The following TAFA2 variants were observed in gnomAD, a reference collection of about 807,000 sequenced individuals.
TAFA2 encodes the protein TAFA chemokine like family member 2, also known as chemokine-like protein TAFA-2.
In TAFA2, 7 loss-of-function variants were observed where a neutral mutation model predicts 18.8. That is an observed-to-expected ratio of 0.37 (90% CI 0.21 to 0.70). The LOEUF is 0.70. Ranked by LOEUF, TAFA2 falls within the 30% of genes least tolerant of loss-of-function variation. The pLI is 0.53. For synonymous variants in TAFA2, 60 were observed against 54.2 expected (o/e 1.11, Z -0.47); for missense variants, 122 against 158.1 (o/e 0.77, Z 1.23).
intron 1 of TAFA2, among the ~76,000 whole-genome samples, chr12:61,939,414 A>G (rs1243176496): frequency 6.6e-6 from 1 of 152,180 alleles, no homozygotes; most frequent in Non-Finnish European, 1.5e-5. Flanking sequence ...TACAATGTGT[A>G]TCTTTGGTTT....
chr12:61,782,066 A>G (rs1870528165), intron 2 of TAFA2, among the ~76,000 whole-genome samples: 1 of 151,634 alleles, frequency 6.6e-6, no homozygotes, highest in Non-Finnish European at 1.5e-5. Flanking sequence ...TGCCTACTAA[A>G]GATGTATATA....
intron 1 of TAFA2, among the ~76,000 whole-genome samples, chr12:62,217,064 A>G (rs1412630794): frequency 6.6e-6 from 1 of 152,222 alleles, no homozygotes; most frequent in African/African-American, 2.4e-5. Flanking sequence ...CAAAAAGGGA[A>G]GCACCATGCC....
chr12:62,015,060 C>T (rs1280509403), intron 1 of TAFA2, among the ~76,000 whole-genome samples: 1 of 152,212 alleles, frequency 6.6e-6, no homozygotes, highest in Non-Finnish European at 1.5e-5. Context: ...TTCTTCTCCC[C>T]TATATGAGAA....
chr12:61,880,531 G>GA, intron 1 of TAFA2: 1 of 510,278 alleles, frequency 2.0e-6, no homozygotes, highest in African/African-American at 1.9e-5. Context: ...GCTGGCAAGA[G>GA]TCTAGGATGC....
At chr12:62,182,618 G>T (rs893526372) in intron 1 of TAFA2, among the ~76,000 whole-genome samples, 1 of 152,088 alleles carries the variant, frequency 6.6e-6, no homozygotes, top group Non-Finnish European at 1.5e-5. Flanking sequence ...AGTTTAAAAG[G>T]CACTGTTATG....
intron 1 of TAFA2, among the ~76,000 whole-genome samples, chr12:61,882,147 A>T (rs1274433178): frequency 6.6e-6 from 1 of 152,196 alleles, no homozygotes; most frequent in Admixed American, 6.5e-5. Context: ...GAGAATCCAG[A>T]GGCTAAAACA....
At chr12:61,789,659 C>T (rs1373269365) in intron 2 of TAFA2, among the ~76,000 whole-genome samples, 6 of 151,740 alleles carry the variant, frequency 4.0e-5, no homozygotes, top group Non-Finnish European at 5.9e-5. Flanking sequence ...CCTGCACATT[C>T]TGTGCATGTA....
chr12:62,104,877 A>AG (rs768224847), intron 1 of TAFA2: 90 of 309,366 alleles, frequency 2.9e-4, no homozygotes, highest in Non-Finnish European at 8.4e-5. Flanking sequence ...TGAGAGATTG[A>AG]GTTGCTATCT....
At chr12:61,901,259 C>CTTTTTTTTTTTTTTT (rs1203233805) in intron 1 of TAFA2, among the ~76,000 whole-genome samples, 12 of 10,898 alleles carry the variant, frequency 1.1e-3, no homozygotes, top group Non-Finnish European at 1.5e-3. Context: ...TTCAATTTCA[C>CTTTTTTTTTTTTTTT]TTTTTTTTTT....
chr12:62,078,250 G>A (rs1307721674), intron 1 of TAFA2, among the ~76,000 whole-genome samples: 1 of 152,054 alleles, frequency 6.6e-6, no homozygotes, highest in African/African-American at 2.4e-5. Flanking sequence ...ACCATAAAAG[G>A]CAGAGCCTAA....
At chr12:61,967,425 C>T (rs1879105601) in intron 1 of TAFA2, among the ~76,000 whole-genome samples, 1 of 151,864 alleles carries the variant, frequency 6.6e-6, no homozygotes, top group Non-Finnish European at 1.5e-5. Flanking sequence ...AAGAGAATCT[C>T]ATAGCCATTC....
At chr12:61,716,473 A>AT (rs1261290198) in intron 4 of TAFA2, among the ~76,000 whole-genome samples, 1 of 152,094 alleles carries the variant, frequency 6.6e-6, no homozygotes, top group Non-Finnish European at 1.5e-5. Context: ...TATATCCCAG[A>AT]TTTTTTTAAA....
chr12:62,149,587 T>C (rs1202483089), intron 1 of TAFA2, among the ~76,000 whole-genome samples: 1 of 146,930 alleles, frequency 6.8e-6, no homozygotes, highest in Non-Finnish European at 1.5e-5. Context: ...TATATACACA[T>C]TATATATATA....
intron 1 of TAFA2, among the ~76,000 whole-genome samples, chr12:62,076,330 G>C (rs1168554817): frequency 3.9e-5 from 6 of 152,172 alleles, no homozygotes; most frequent in African/African-American, 1.4e-4. Flanking sequence ...TTTGTTAGCA[G>C]AGTAACTCAG....
intron 1 of TAFA2, among the ~76,000 whole-genome samples, chr12:62,093,644 C>T (rs1475395874): frequency 6.6e-6 from 1 of 151,974 alleles, no homozygotes; most frequent in Non-Finnish European, 1.5e-5. Context: ...GCAAAGCTGC[C>T]CCACATTCCA....
intron 1 of TAFA2, among the ~76,000 whole-genome samples, chr12:62,231,750 C>T (rs1457543657): frequency 3.3e-5 from 5 of 151,964 alleles, no homozygotes; most frequent in Non-Finnish European, 5.9e-5. Flanking sequence ...TACTTAAGAA[C>T]GGATACGTTA....
At chr12:61,804,449 A>T (rs1446594581) in intron 2 of TAFA2, among the ~76,000 whole-genome samples, 2 of 152,046 alleles carry the variant, frequency 1.3e-5, no homozygotes, top group Non-Finnish European at 2.9e-5. Flanking sequence ...CATCTTCAAG[A>T]GAAAGGCAAA....
chr12:61,731,563 C>G (rs1189505546), intron 4 of TAFA2, among the ~76,000 whole-genome samples: 1 of 151,678 alleles, frequency 6.6e-6, no homozygotes, highest in African/African-American at 2.4e-5. Flanking sequence ...AAACCCTGCT[C>G]ATTCTTCTTT....
At chr12:61,827,163 C>A (rs918403850) in intron 2 of TAFA2, 1 of 152,068 alleles carries the variant, frequency 6.6e-6, no homozygotes, top group East Asian at 1.9e-4. Context: ...CCTTCTCCTT[C>A]CCCTGCATTT....
Sources: gnomAD v4.1 joint callset for allele counts (sites outside exome capture counted in the v4.1 genomes callset) on GRCh38, gnomAD v4.1.1 for gene constraint, MANE v1.5 for transcripts, NCBI Gene and HGNC (gene_info 2026-07-23, HGNC 2026-07-21) for gene names.